The following ITGAX variants were observed in gnomAD, a reference collection of about 807,000 sequenced individuals.
The protein encoded by ITGAX is integrin alpha-X.
In ITGAX, 99 loss-of-function variants were observed where a neutral mutation model predicts 140.2. The observed-to-expected ratio is 0.71, with a 90% CI of 0.60 to 0.83. The LOEUF (loss-of-function observed/expected upper bound fraction) is 0.83, where lower values mean the gene tolerates loss of function less well. ITGAX is among the 40% of genes least tolerant of loss of function. The pLI is 0.00. For missense variants in ITGAX, 1,444 were observed against 1,482.0 expected, an observed-to-expected ratio of 0.97 and a Z score of 0.42; for synonymous variants, 631 against 600.4, an observed-to-expected ratio of 1.05 and a Z score of -0.75.
At position 31,357,374 on chromosome 16, in the gene ITGAX, G is replaced by A. The variant is rs2080775130; in HGVS notation, c.430+10G>A. 2.5e-6 allele frequency: 4 copies of A among 1,571,230 alleles called. No homozygotes were observed. Among genetic ancestry groups the A allele is most frequent in the East Asian group, 2.3e-5 (1 of 42,980 alleles). On this transcript the variant is annotated intron_variant, in intron 5 of 29. Coordinates refer to ENST00000268296, the MANE Select transcript of ITGAX (RefSeq NM_000887.5). The stretch of plus-strand genomic sequence containing the variant: ...CCGGTGTCCAGGCAGGGTGAGTGTC[G>A]GGACCACCAAGGCTTTGAGGAGCTC...
chr16:31,356,979 A>G, intron 3 of ITGAX, 52 bp from the exon 4 acceptor site: 1 of 1,499,174 alleles, frequency 6.7e-7, no homozygotes, highest in South Asian at 1.2e-5. Flanking sequence ...CAGCTCTTCC[A>G]CAGCCTTCTC....
At chr16:31,381,488 G>A (rs1249532065) in intron 29 of ITGAX, among the ~76,000 whole-genome samples, 1 of 152,052 alleles carries the variant, frequency 6.6e-6, no homozygotes, top group East Asian at 1.9e-4. Flanking sequence ...GAAGTCAGGA[G>A]TTAAGAGACC....
At position 31,371,354 on chromosome 16, in the gene ITGAX, T is replaced by G; in HGVS notation, c.1862T>G (p.Val621Gly). Residue 621 changes from valine (V) to glycine (G), a missense_variant, in exon 16 of 30, where the codon GTG (valine) becomes GGG (glycine). By Grantham distance (109) the Val-to-Gly change is moderately radical. Coordinates refer to ENST00000268296, the MANE Select transcript of ITGAX (RefSeq NM_000887.5). Reference protein sequence around the residue: ...LLLRTRPVLWVGVSMQFIPAE... With the variant: ...LLLRTRPVLWGGVSMQFIPAE... ...CGCAGGACCAGACCTGTGCTCTGGG[T>G]GGGGGTGAGCATGCAGTTCATACCT... 1 of 1,614,096 alleles carries G rather than the reference T, an allele frequency of 6.2e-7. No homozygotes were observed. Among genetic ancestry groups the G allele is most frequent in the East Asian group, 2.2e-5 (1 of 44,864 alleles).
intron 23 of ITGAX, among the ~76,000 whole-genome samples, chr16:31,377,659 G>A (rs929596710): frequency 3.9e-5 from 6 of 152,232 alleles, no homozygotes; most frequent in Non-Finnish European, 7.3e-5. Flanking sequence ...CTCGTGTGCT[G>A]GGGTGTGCCC....
At chr16:31,369,822 G>C (rs924898910) in intron 14 of ITGAX, among the ~76,000 whole-genome samples, 3 of 150,778 alleles carry the variant, frequency 2.0e-5, no homozygotes, top group African/African-American at 7.3e-5. Context: ...ATCTCATCAT[G>C]TCACTCAGGC....
chr16:31,380,292 G>A lies in ITGAX; in HGVS notation c.3087G>A (p.Arg1029=). 6.2e-7 allele frequency: 1 copy of A among 1,614,228 alleles called. No homozygotes were observed. Among genetic ancestry groups the A allele is most frequent in the Non-Finnish European group, 8.5e-7 (1 of 1,180,036 alleles). ...ACTGCTCCATTGCTGGCTGCCTGCG[G>A]TTCCGCTGTGACGTCCCCTCCTTCA... ...VLDCSIAGCL[R]FRCDVPSFSV... is the part of the protein sequence containing the mutation. The change falls in exon 27 of 30, where the codon CGG becomes CGA. Residue 1029 remains arginine (R), a synonymous_variant. Transcript: ENST00000268296.
rs2081062471 is a variant in ITGAX, at chr16:31,380,814, GGGAGTTAAAGGTT to G, written c.3277-80_3277-68del. ...GAGCAGGGCCTGGGGAAGGAGGGGA[GGGAGTTAAAGGTT>G]GGGGAGCCTGGGAGGAGTCTGGGAT... On this transcript the variant is annotated intron_variant, in intron 28 of 29. Coordinates refer to ENST00000268296, the MANE Select transcript of ITGAX (RefSeq NM_000887.5). The G allele has an allele frequency of 3.7e-6, 5 of 1,336,832 alleles. No homozygotes were observed. The East Asian group carries it at 1.2e-4, about 31-fold the overall frequency. 82.8% of individuals were successfully genotyped at this position (1,336,832 alleles called of 1,614,324 possible).
At chr16:31,356,127 T>C (rs2142476507) in intron 2 of ITGAX, 129 bp downstream of exon 2, 2 of 654,944 alleles carry the variant, frequency 3.1e-6, no homozygotes, top group South Asian at 1.9e-5. Flanking sequence ...CCCTGGCTAA[T>C]GAAGATTTGC....
rs1276899810 is a variant in ITGAX at position 31,380,379 on chromosome 16, GGT to G, written c.3174+6_3174+7del. 6.2e-7 allele frequency: 1 copy of G among 1,613,912 alleles called. No homozygotes were observed. Among genetic ancestry groups the G allele is most frequent in the Non-Finnish European group, 8.5e-7 (1 of 1,179,914 alleles). On this transcript the variant is annotated splice_donor_variant, in intron 27 of 29. Coordinates refer to ENST00000268296, the MANE Select transcript of ITGAX (RefSeq NM_000887.5). LOFTEE classifies it high-confidence loss of function. ...ACCTCAGCTTTGGCTGGGTCCGCCA[GGT>G]GTGTGGGTGCAACGACAGAGCCCCT...
chr16:31,381,075 A>G, intron 29 of ITGAX, 68 bp downstream of exon 29: 1 of 1,289,022 alleles, frequency 7.8e-7, no homozygotes, highest in African/African-American at 1.5e-5. Context: ...AGTGAGAAGG[A>G]GCTCACTTTG....
Position 31,359,797 on chromosome 16 carries a change from T to C in ITGAX, c.528T>C (p.Ala176=). ...CCACGATGATGAACTTCGTGAGAGC[T>C]GTGATAAGCCAGTTCCAGAGACCCA... ...NFATMMNFVR[A]VISQFQRPST... is the part of the protein sequence containing the mutation. The change falls in exon 6 of 30, where the codon GCT becomes GCC. Residue 176 remains alanine, a synonymous_variant. Transcript: ENST00000268296. 1 of 1,614,102 alleles carries C rather than the reference T, an allele frequency of 6.2e-7. No homozygotes were observed. Among genetic ancestry groups the C allele is most frequent in the South Asian group, 1.1e-5 (1 of 91,084 alleles).
At position 31,373,101 on chromosome 16, in the gene ITGAX, A is replaced by AAAGAAGAAGAAG. The variant is rs146920512; in HGVS notation, c.2367-127_2367-116dup. On this transcript the variant is annotated intron_variant, in intron 19 of 29. Transcript: ENST00000268296. ...GAGCAGGACTCTGTCTCTTAAAAAAAAAGAAGAAGAAGAAGAAGAAGAAGA... is the reference window on the plus strand; with the variant it reads ...GAGCAGGACTCTGTCTCTTAAAAAAAAAGAAGAAGAAGAAGAAGAAGAAGAAGAAGAAGAAGA... 3 of 479,812 alleles carry AAAGAAGAAGAAG rather than the reference A, an allele frequency of 6.3e-6. No homozygotes were observed. In the South Asian group the frequency reaches 7.2e-5, roughly 12 times the overall value. 29.7% of individuals were successfully genotyped at this position (479,812 alleles called of 1,614,324 possible). A position where few individuals can be genotyped will look rare whatever the true frequency, so the allele number is the denominator to read the frequency against.
At chr16:31,375,374 T>G (rs190395326) in intron 20 of ITGAX, among the ~76,000 whole-genome samples, 1 of 152,370 alleles carries the variant, frequency 6.6e-6, no homozygotes, top group East Asian at 1.9e-4. Flanking sequence ...CACTCTCACA[T>G]GCACTGCCTT....
Position 31,361,137 on chromosome 16 carries a change from C to T in ITGAX, c.936C>T (p.His312=). The T allele has an allele frequency of 6.2e-7, 1 of 1,613,728 alleles. No homozygotes were observed. Among genetic ancestry groups the T allele is most frequent in the East Asian group, 2.2e-5 (1 of 44,886 alleles). Residue 312 remains histidine, a synonymous_variant, in exon 9 of 30, where the codon CAC becomes CAT. Transcript: ENST00000268296. ...TTGCATCGAAGCCCTCCCAGGAACA[C>T]ATATTTAAAGTGGAGGACTTTGATG... ...NDIASKPSQE[H]IFKVEDFDAL...
At chr16:31,370,424 C>A (rs2080943405) in intron 14 of ITGAX, among the ~76,000 whole-genome samples, 1 of 152,108 alleles carries the variant, frequency 6.6e-6, no homozygotes, top group Non-Finnish European at 1.5e-5. Flanking sequence ...CCACTCCCTA[C>A]CCCACCGCGG....
chr16:31,364,047 C>T (rs759014735), intron 14 of ITGAX, among the ~76,000 whole-genome samples: 19 of 152,166 alleles, frequency 1.2e-4, no homozygotes, highest in East Asian at 7.7e-4. Flanking sequence ...TCCCTGCAGC[C>T]GCCCTCCACC....
At position 31,377,060 on chromosome 16, in the gene ITGAX, C is replaced by T; in HGVS notation, c.2686C>T (p.Leu896=). The change falls in exon 22 of 30, where the codon CTG becomes TTG. Residue 896 remains leucine, a synonymous_variant. Transcript: ENST00000268296. The part of the protein sequence containing the change: ...PKAVLGDRLL[L]TANVSSENNT... ...GGCTGTCCTGGGAGACCGGCTGCTT[C>T]TGACAGCCAATGTGAGCAGGTGAGC... 1 of 1,614,238 alleles carries T rather than the reference C, an allele frequency of 6.2e-7. No individual in the cohort carries two copies. The highest frequency in any genetic ancestry group is 1.1e-5 in the South Asian group (1 of 91,092).
chr16:31,365,166 CA>C (rs1228388713), intron 14 of ITGAX, among the ~76,000 whole-genome samples: 7 of 152,074 alleles, frequency 4.6e-5, no homozygotes, highest in Admixed American at 4.6e-4. Flanking sequence ...TCTGTAGAGA[CA>C]GAAAGTAGAT....
In ITGAX at chr16:31,362,921, G is replaced by A; in HGVS notation, c.1360-14G>A. On this transcript the variant is annotated splice_polypyrimidine_tract_variant and intron_variant, in intron 12 of 29. Coordinates refer to ENST00000268296, the MANE Select transcript of ITGAX (RefSeq NM_000887.5). ...GGCAGGGACAGGCAGCATGACCCAG[G>A]CTCTGCCCTTCAGATCGGCTCCTAC... is the stretch of plus-strand genomic sequence containing the variant. The A allele has an allele frequency of 1.2e-6, 2 of 1,611,484 alleles. No individual in the cohort carries two copies. Among genetic ancestry groups the A allele is most frequent in the African/African-American group, 2.7e-5 (2 of 74,912 alleles).
Sources: gnomAD v4.1 joint callset for allele counts (sites outside exome capture counted in the v4.1 genomes callset) on GRCh38, gnomAD v4.1.1 for gene constraint, MANE v1.5 for transcripts, NCBI Gene and HGNC (gene_info 2026-07-23, HGNC 2026-07-21) for gene names.